The following CYYR1 variants were observed in gnomAD, a reference collection of about 807,000 sequenced individuals.
CYYR1 encodes cysteine and tyrosine rich 1, also known as cysteine and tyrosine-rich protein 1.
Under a neutral mutation model 15.2 loss-of-function variants are expected in CYYR1, and 14 were observed. The ratio of observed to expected loss-of-function variants is 0.92; its 90% CI spans 0.61 to 1.44. The LOEUF is 1.44. Ranked by LOEUF, CYYR1 falls within the 40% of genes most tolerant of loss-of-function variation. The probability of loss-of-function intolerance (pLI) is 0.00; values close to 1 mark genes in which losing one functional copy is unlikely to be tolerated. For synonymous variants in CYYR1, 80 were observed against 77.4 expected, an observed-to-expected ratio of 1.03 and a Z score of -0.18; for missense variants, 228 against 209.5, an observed-to-expected ratio of 1.09 and a Z score of -0.54.
At chr21:26,507,109 T>G (rs545387430) in intron 2 of CYYR1, among the ~76,000 whole-genome samples, 42 of 152,320 alleles carry the variant, frequency 2.8e-4, no homozygotes, top group African/African-American at 8.9e-4. Flanking sequence ...TCATTTTATT[T>G]TCGACTTTAA....
At chr21:26,473,504 T>C (rs2065061921) in intron 3 of CYYR1, among the ~76,000 whole-genome samples, 2 of 152,178 alleles carry the variant, frequency 1.3e-5, no homozygotes, top group Admixed American at 6.5e-5. Context: ...GGTTTCCTTA[T>C]TGTAGACCTT....
chr21:26,558,129 A>G (rs1395645496), intron 2 of CYYR1, among the ~76,000 whole-genome samples: 1 of 152,202 alleles, frequency 6.6e-6, no homozygotes, highest in Admixed American at 6.5e-5. Flanking sequence ...GGAGTTGGTT[A>G]CAAGCGCAGA....
At chr21:26,562,727 A>AACACACACACACAC (rs58990363) in intron 2 of CYYR1, among the ~76,000 whole-genome samples, 25 of 131,702 alleles carry the variant, frequency 1.9e-4, no homozygotes, top group African/African-American at 6.9e-4. Flanking sequence ...TCTCCTCCTA[A>AACACACACACACAC]ACACACACAC....
At chr21:26,535,335 C>G (rs767003835) in intron 2 of CYYR1, among the ~76,000 whole-genome samples, 27 of 152,130 alleles carry the variant, frequency 1.8e-4, no homozygotes, top group Non-Finnish European at 3.5e-4. Flanking sequence ...GGTACAGAGA[C>G]AACCTGGCAC....
intron 2 of CYYR1, among the ~76,000 whole-genome samples, chr21:26,546,710 A>G (rs1414021577): frequency 1.3e-5 from 2 of 152,230 alleles, no homozygotes; most frequent in Non-Finnish European, 1.5e-5. Context: ...TGCAAAATGC[A>G]TGACCATGGG....
At chr21:26,528,169 CT>C (rs1429762213) in intron 2 of CYYR1, among the ~76,000 whole-genome samples, 1 of 152,054 alleles carries the variant, frequency 6.6e-6, no homozygotes, top group African/African-American at 2.4e-5. Context: ...AGCTAAATAT[CT>C]TTTTTTAGTT....
At chr21:26,531,712 T>C (rs1368762589) in intron 2 of CYYR1, among the ~76,000 whole-genome samples, 2 of 152,138 alleles carry the variant, frequency 1.3e-5, no homozygotes, top group South Asian at 2.1e-4. Flanking sequence ...TCTCAGGTAG[T>C]TCTTTATAGC....
chr21:26,470,385 C>A (rs1212096184), intron 3 of CYYR1, among the ~76,000 whole-genome samples: 1 of 152,152 alleles, frequency 6.6e-6, no homozygotes, highest in African/African-American at 2.4e-5. Context: ...TGTCCCCACC[C>A]AAATGTCATG....
chr21:26,552,367 C>T (rs1979457945), intron 2 of CYYR1, among the ~76,000 whole-genome samples: 1 of 152,082 alleles, frequency 6.6e-6, no homozygotes, highest in South Asian at 2.1e-4. Context: ...CATCCTTTTA[C>T]TTAAGTTAGC....
At chr21:26,512,447 C>T (rs1266808022) in intron 2 of CYYR1, among the ~76,000 whole-genome samples, 1 of 152,126 alleles carries the variant, frequency 6.6e-6, no homozygotes, top group Admixed American at 6.5e-5. Flanking sequence ...AAGTGATCCA[C>T]CTGCCTTGGC....
chr21:26,561,641 G>A (rs1262576441), intron 2 of CYYR1, among the ~76,000 whole-genome samples: 2 of 151,950 alleles, frequency 1.3e-5, no homozygotes, highest in Non-Finnish European at 2.9e-5. Context: ...TTTCCTGTGG[G>A]GATTTTATGT....
At chr21:26,564,614 A>T (rs1336852259) in intron 2 of CYYR1, 1 of 880,784 alleles carries the variant, frequency 1.1e-6, no homozygotes, top group Non-Finnish European at 1.4e-6. Context: ...TCAAATATAT[A>T]AAAATATTCT....
chr21:26,524,568 G>C (rs895015467), intron 2 of CYYR1, among the ~76,000 whole-genome samples: 1 of 152,178 alleles, frequency 6.6e-6, no homozygotes, highest in African/African-American at 2.4e-5. Flanking sequence ...AGGCAGTTTT[G>C]TTGGATTCAG....
At chr21:26,559,216 G>A (rs1980025380) in intron 2 of CYYR1, among the ~76,000 whole-genome samples, 1 of 152,254 alleles carries the variant, frequency 6.6e-6, no homozygotes, top group South Asian at 2.1e-4. Context: ...AGTTAGCCAG[G>A]TGGATCATCT....
intron 1 of CYYR1, 124 bp from the exon 2 acceptor site, chr21:26,566,492 C>T (rs931236726): frequency 3.0e-5 from 21 of 704,696 alleles, no homozygotes; most frequent in Admixed American, 1.5e-4. Flanking sequence ...TCTTCATTTT[C>T]GTCCTCAGAA....
intron 3 of CYYR1, among the ~76,000 whole-genome samples, chr21:26,468,847 A>G (rs564545621): frequency 3.4e-4 from 52 of 152,274 alleles, no homozygotes; most frequent in African/African-American, 1.2e-3. Flanking sequence ...TTGTTTAGAG[A>G]AAGTTTCTTG....
chr21:26,539,121 G>A (rs1305475466), intron 2 of CYYR1, among the ~76,000 whole-genome samples: 2 of 152,128 alleles, frequency 1.3e-5, no homozygotes, highest in African/African-American at 2.4e-5. Flanking sequence ...ACTCAAAGAT[G>A]CCAGAAATGC....
At chr21:26,535,876 C>T (rs1978296501) in intron 2 of CYYR1, among the ~76,000 whole-genome samples, 1 of 152,148 alleles carries the variant, frequency 6.6e-6, no homozygotes, top group South Asian at 2.1e-4. Flanking sequence ...CCCTTTGCCA[C>T]TTATGCTCTA....
intron 2 of CYYR1, among the ~76,000 whole-genome samples, chr21:26,500,784 T>A (rs2065471363): frequency 6.6e-6 from 1 of 152,180 alleles, no homozygotes; most frequent in Non-Finnish European, 1.5e-5. Context: ...AAGATGGGGA[T>A]AAGCCTTGCA....
Sources: gnomAD v4.1 joint callset for allele counts (sites outside exome capture counted in the v4.1 genomes callset) on GRCh38, gnomAD v4.1.1 for gene constraint, MANE v1.5 for transcripts, NCBI Gene and HGNC (gene_info 2026-07-23, HGNC 2026-07-21) for gene names.